The following ODF2L variants were observed in gnomAD, a reference collection of about 807,000 sequenced individuals.
ODF2L encodes outer dense fiber of sperm tails 2 like, also known as protein BCAP.
Under a neutral mutation model 86.3 loss-of-function variants are expected in ODF2L, and 76 were observed. The ratio of observed to expected loss-of-function variants is 0.88; its 90% CI spans 0.73 to 1.07. ODF2L has a LOEUF of 1.07. ODF2L is among the 50% of genes least tolerant of loss of function. The pLI is 0.00. For missense variants in ODF2L, 748 were observed against 717.4 expected, an observed-to-expected ratio of 1.04 and a Z score of -0.49; for synonymous variants, 241 against 231.3, an observed-to-expected ratio of 1.04 and a Z score of -0.38.
chr1:86,372,420 T>C lies in ODF2L; in HGVS notation c.920+11A>G. 8.2e-7 allele frequency: 1 copy of C among 1,226,086 alleles called. No homozygotes were observed. Among genetic ancestry groups the C allele is most frequent in the Non-Finnish European group, 1.1e-6 (1 of 910,110 alleles). 76.0% of individuals were successfully genotyped at this position (1,226,086 alleles called of 1,614,324 possible). On this transcript the variant is annotated intron_variant, in intron 9 of 17. Transcript: ENST00000317336. Reference sequence around the variant, plus strand: ...TTACTAAATAATAAAATATTCTAAATTTTTTCTTACTTTTTCATTGTTTCA... The same window carrying C: ...TTACTAAATAATAAAATATTCTAAACTTTTTCTTACTTTTTCATTGTTTCA...
intron 3 of ODF2L, 101 bp downstream of exon 3, chr1:86,385,357 C>T: frequency 1.5e-6 from 1 of 654,288 alleles, no homozygotes. Context: ...GTATGAAATA[C>T]TCATAAGTGA....
At chr1:86,390,829 C>T (rs182432517) in intron 1 of ODF2L, among the ~76,000 whole-genome samples, 2 of 152,220 alleles carry the variant, frequency 1.3e-5, no homozygotes, top group East Asian at 3.9e-4. Flanking sequence ...GAAGTCCTAG[C>T]CAGAGCAATC....
chr1:86,356,540 C>T (rs372029682), exon 14 of ODF2L: 28 of 1,613,942 alleles, frequency 1.7e-5, no homozygotes, highest in East Asian at 6.7e-5. Flanking sequence ...TCCGTTCCGC[C>T]GCCGTCAAGG....
intron 7 of ODF2L, among the ~76,000 whole-genome samples, chr1:86,381,625 AAG>A (rs1491448081): frequency 2.0e-5 from 3 of 152,022 alleles, no homozygotes; most frequent in South Asian, 2.1e-4. Context: ...GAAAAAAAAA[AAG>A]AGTTACCTTA....
intron 8 of ODF2L, among the ~76,000 whole-genome samples, chr1:86,373,086 G>C (rs1659916005): frequency 6.6e-6 from 1 of 152,026 alleles, no homozygotes; most frequent in Admixed American, 6.6e-5. Flanking sequence ...CAGGTAACCA[G>C]AAACGACCTG....
chr1:86,356,655 A>G (rs1244912799), intron 13 of ODF2L, 53 bp from the exon 13 acceptor site: 2 of 1,496,256 alleles, frequency 1.3e-6, no homozygotes, highest in Non-Finnish European at 1.8e-6. Context: ...CAGCATTAAT[A>G]TTTTTATTAT....
At position 86,356,563 on chromosome 1, in the gene ODF2L, G is replaced by A. The variant is rs114962597; in HGVS notation, c.1399C>T (p.Arg467Cys). The A allele has an allele frequency of 3.5e-3, 5,622 of 1,613,942 alleles. 11 individuals carry two copies. The highest frequency in any genetic ancestry group is 4.2e-3 in the Non-Finnish European group (4,956 of 1,179,932). The stretch of plus-strand genomic sequence containing the variant: ...GCCGCCGTCAAGGAATCGCAGACAC[G>A]CTCTAACTCCTTCAGATGAGACTCC... The change falls in exon 14 of 18, where the codon CGT becomes TGT. Residue 467 changes from arginine to cysteine, a missense_variant. By Grantham distance (180) the Arg-to-Cys change is radical. Coordinates refer to ENST00000317336, the Ensembl canonical transcript of ODF2L.
chr1:86,358,739 A>C (rs1658781048), intron 13 of ODF2L, 48 bp downstream of exon 12: 1 of 791,850 alleles, frequency 1.3e-6, no homozygotes. Flanking sequence ...TACTATTCAT[A>C]AAGTAAAAAA....
exon 18 of ODF2L, chr1:86,352,082 G>A: frequency 7.2e-7 from 1 of 1,386,614 alleles, no homozygotes; most frequent in Non-Finnish European, 9.4e-7. Context: ...AAGTTGTCAT[G>A]AAACTTTTGA....
intron 7 of ODF2L, among the ~76,000 whole-genome samples, chr1:86,380,036 CTT>C (rs1475544877): frequency 6.6e-6 from 1 of 152,060 alleles, no homozygotes; most frequent in African/African-American, 2.4e-5. Context: ...CTATTAAAGA[CTT>C]ATGATTTTAA....
chr1:86,396,265 G>C (rs1661738002), exon 1 of ODF2L: 1 of 152,438 alleles, frequency 6.6e-6, no homozygotes, highest in African/African-American at 2.4e-5. Flanking sequence ...GCTTGCCGCA[G>C]AAGAGTGCCC....
chr1:86,353,504 C>T (rs1389748751), intron 16 of ODF2L, among the ~76,000 whole-genome samples: 2 of 152,092 alleles, frequency 1.3e-5, no homozygotes, highest in Non-Finnish European at 2.9e-5. Flanking sequence ...TCTCTGGTTA[C>T]TTATTTTAGC....
chr1:86,351,021 A>T (rs1658099495), exon 18 of ODF2L: 1 of 151,990 alleles, frequency 6.6e-6, no homozygotes, highest in Non-Finnish European at 1.5e-5. Flanking sequence ...AGATTGCAAA[A>T]ATTTTCTCCC....
chr1:86,358,851 C>G, exon 13 of ODF2L: 2 of 1,543,936 alleles, frequency 1.3e-6, no homozygotes, highest in South Asian at 2.6e-5. Flanking sequence ...ATTTTCACAT[C>G]TGCTTTTTAC....
At chr1:86,351,014 T>C (rs1299701637) in exon 18 of ODF2L, 1 of 152,200 alleles carries the variant, frequency 6.6e-6, no homozygotes. Flanking sequence ...GATGGATAGA[T>C]TGCAAAAATT....
exon 1 of ODF2L, chr1:86,396,140 CCTT>C (rs1661728695): frequency 6.6e-6 from 1 of 152,432 alleles, no homozygotes; most frequent in Non-Finnish European, 1.5e-5. Context: ...CCGTGGCAAT[CCTT>C]CTTGTGCTCT....
chr1:86,382,814 T>A (rs1570423466), intron 6 of ODF2L, 117 bp downstream of exon 6: 2 of 652,226 alleles, frequency 3.1e-6, no homozygotes, highest in East Asian at 5.5e-5. Context: ...CCAAATAATC[T>A]AGAATTTCAA....
intron 1 of ODF2L, among the ~76,000 whole-genome samples, chr1:86,392,415 C>T (rs1168334362): frequency 1.3e-5 from 2 of 151,642 alleles, no homozygotes; most frequent in Admixed American, 6.6e-5. Flanking sequence ...GTCCATCAAA[C>T]AATGAGTAAA....
intron 7 of ODF2L, among the ~76,000 whole-genome samples, chr1:86,380,390 G>A (rs1660490949): frequency 6.6e-6 from 1 of 152,156 alleles, no homozygotes. Flanking sequence ...AAAAACAGCA[G>A]TACAGTAAGT....
Sources: allele counts gnomAD v4.1 joint callset (sites outside exome capture counted in the v4.1 genomes callset), GRCh38; gene constraint gnomAD v4.1.1; transcripts MANE v1.5; gene names NCBI Gene and HGNC (gene_info 2026-07-23, HGNC 2026-07-21).